C13orf42: variants seen among roughly 807,000 people sequenced by gnomAD.
The protein encoded by C13orf42 is chromosome 13 open reading frame 42.
At chr13:51,153,501 T>C (rs1442180933) in intron 1 of C13orf42, among the ~76,000 whole-genome samples, 1 of 152,074 alleles carries the variant, frequency 6.6e-6, no homozygotes, top group Admixed American at 6.6e-5. Context: ...TTTCTCCTAC[T>C]TTAAAAAAAA....
chr13:51,104,102 TCTC>T (rs1953323172), intron 1 of C13orf42, among the ~76,000 whole-genome samples: 1 of 152,224 alleles, frequency 6.6e-6, no homozygotes, highest in South Asian at 2.1e-4. Context: ...ATAAAAACAT[TCTC>T]CTGATTTCTA....
At chr13:51,084,639 T>C (rs1953102811) in intron 3 of C13orf42, among the ~76,000 whole-genome samples, 1 of 152,206 alleles carries the variant, frequency 6.6e-6, no homozygotes, top group Non-Finnish European at 1.5e-5. Context: ...TAGTGGCTTT[T>C]GTAGAAGCAA....
rs933820898 is a variant in C13orf42 at position 51,082,208 on chromosome 13, A to C, written c.*1943T>G. 6.6e-6 allele frequency: 1 copy of C among 152,262 alleles called. No individual in the cohort carries two copies. Among genetic ancestry groups the C allele is most frequent in the Non-Finnish European group, 1.5e-5 (1 of 68,046 alleles). 9.4% of individuals were successfully genotyped at this position (152,262 alleles called of 1,614,324 possible). A position where few individuals can be genotyped will look rare whatever the true frequency, so the allele number is the denominator to read the frequency against. ...TCTCAAGATTCCCCAGGCAGAGCAC[A>C]GATCCTTGGGTTTATCACCAACTTC... On this transcript the variant is annotated 3_prime_UTR_variant, in exon 4 of 4. Coordinates refer to ENST00000563710, the MANE Select transcript of C13orf42 (RefSeq NM_001351589.3).
chr13:51,157,439 A>C (rs1953832879), intron 1 of C13orf42, among the ~76,000 whole-genome samples: 2 of 137,272 alleles, frequency 1.5e-5, no homozygotes, highest in African/African-American at 7.1e-5. Flanking sequence ...ATCTCAAAAG[A>C]TAAAATAAAA....
chr13:51,089,675 A>G (rs373044161), intron 1 of C13orf42, among the ~76,000 whole-genome samples: 1 of 151,822 alleles, frequency 6.6e-6, no homozygotes, highest in Non-Finnish European at 1.5e-5. Flanking sequence ...AGTCTTGGGT[A>G]GGATCCTTAT....
At chr13:51,152,862 C>T (rs181964332) in intron 1 of C13orf42, among the ~76,000 whole-genome samples, 2 of 152,310 alleles carry the variant, frequency 1.3e-5, no homozygotes, top group South Asian at 2.1e-4. Context: ...CCTCCAGCCT[C>T]TTTGCTATGC....
At chr13:51,085,788 G>A (rs1160305200) in intron 2 of C13orf42, among the ~76,000 whole-genome samples, 1 of 152,138 alleles carries the variant, frequency 6.6e-6, no homozygotes, top group African/African-American at 2.4e-5. Flanking sequence ...GGGGGCTCAC[G>A]CCTGTAATCC....
chr13:51,163,970 TG>T (rs1159190766), intron 1 of C13orf42, among the ~76,000 whole-genome samples: 3 of 152,016 alleles, frequency 2.0e-5, no homozygotes, highest in Non-Finnish European at 4.4e-5. Context: ...AGATGAGTCA[TG>T]GGATATAGGA....
chr13:51,118,470 G>C (rs918221276), intron 1 of C13orf42, among the ~76,000 whole-genome samples: 19 of 152,268 alleles, frequency 1.2e-4, no homozygotes, highest in Admixed American at 3.9e-4. Context: ...TCCAAGTGTT[G>C]GGCCACCAGG....
At chr13:51,137,524 G>C (rs1953666376) in intron 1 of C13orf42, among the ~76,000 whole-genome samples, 1 of 152,096 alleles carries the variant, frequency 6.6e-6, no homozygotes, top group South Asian at 2.1e-4. Flanking sequence ...GCTGGCTCCA[G>C]ACCCAGCACC....
At chr13:51,112,402 T>C (rs1953444566), upstream of C13orf42, among the ~76,000 whole-genome samples, 1 of 152,236 alleles carries the variant, frequency 6.6e-6, no homozygotes, top group South Asian at 2.1e-4. Context: ...TTCACGGTTT[T>C]ATCAGATATT....
chr13:51,087,886 C>T lies in C13orf42; in HGVS notation c.562+42G>A, dbSNP rs1459163828. The T allele has an allele frequency of 2.5e-5, 10 of 398,886 alleles. No homozygotes were observed. The East Asian group carries it at 2.8e-4, about 11-fold the overall frequency. The allele number at this position is 398,886 out of a possible 1,614,324, so 24.7% of individuals were successfully genotyped here. ...ATCCTCACAGCATCACAGCCCCACCCGCCTTCAGCCACCATCTTCCCACTG... is the reference window on the plus strand; with the variant it reads ...ATCCTCACAGCATCACAGCCCCACCTGCCTTCAGCCACCATCTTCCCACTG... On this transcript the variant is annotated intron_variant, in intron 2 of 3. Transcript: ENST00000563710.
At chr13:51,126,733 G>C (rs1355684700) in intron 1 of C13orf42, among the ~76,000 whole-genome samples, 1 of 152,222 alleles carries the variant, frequency 6.6e-6, no homozygotes, top group Non-Finnish European at 1.5e-5. Flanking sequence ...TGAATTACCA[G>C]GGGAGGTTCT....
intron 1 of C13orf42, among the ~76,000 whole-genome samples, chr13:51,127,299 GACTC>G (rs776261821): frequency 5.6e-4 from 86 of 152,316 alleles, no homozygotes; most frequent in Middle Eastern, 3.4e-3. Flanking sequence ...GCAATTTACC[GACTC>G]ACTCAATCCT....
chr13:51,137,595 C>G (rs545027284), intron 1 of C13orf42, among the ~76,000 whole-genome samples: 3 of 152,332 alleles, frequency 2.0e-5, no homozygotes, highest in East Asian at 3.9e-4. Context: ...AGATGGAAAC[C>G]AGCCAACCAA....
At chr13:51,156,799 G>T (rs542463588) in intron 1 of C13orf42, among the ~76,000 whole-genome samples, 2 of 152,036 alleles carry the variant, frequency 1.3e-5, no homozygotes, top group East Asian at 3.9e-4. Flanking sequence ...TGGTGATGGG[G>T]TGTGTCCCCA....
chr13:51,135,965 G>A (rs1953654592), intron 1 of C13orf42, among the ~76,000 whole-genome samples: 1 of 152,212 alleles, frequency 6.6e-6, no homozygotes, highest in African/African-American at 2.4e-5. Context: ...AGTCCAGCAG[G>A]CCGGCAGCTG....
At chr13:51,089,398 CAT>C (rs1199145072) in intron 1 of C13orf42, among the ~76,000 whole-genome samples, 1 of 152,148 alleles carries the variant, frequency 6.6e-6, no homozygotes, top group African/African-American at 2.4e-5. Context: ...GTAATCCCCA[CAT>C]GTCGAGGGAG....
intron 1 of C13orf42, among the ~76,000 whole-genome samples, chr13:51,120,622 A>G (rs1294726350): frequency 6.6e-6 from 1 of 152,202 alleles, no homozygotes; most frequent in East Asian, 1.9e-4. Context: ...AGAGGTCCTG[A>G]AAAGGCACCA....
Sources: gnomAD v4.1 joint callset for allele counts (sites outside exome capture counted in the v4.1 genomes callset) on GRCh38, gnomAD v4.1.1 for gene constraint, MANE v1.5 for transcripts, NCBI Gene and HGNC (gene_info 2026-07-23, HGNC 2026-07-21) for gene names.